The following DPP6 variants were observed in gnomAD, a reference collection of about 807,000 sequenced individuals.
DPP6 encodes the protein A-type potassium channel modulatory protein DPP6.
DPP6 carries 69 observed loss-of-function variants against 122.6 expected under a neutral mutation model. The ratio of observed to expected loss-of-function variants is 0.56; its 90% CI spans 0.46 to 0.69. The LOEUF (loss-of-function observed/expected upper bound fraction) is 0.69. Ranked by LOEUF, DPP6 falls within the 30% of genes least tolerant of loss-of-function variation. The pLI, the probability that DPP6 is intolerant of heterozygous loss-of-function variation, is 0.00. For missense variants in DPP6, 928 were observed against 1,116.9 expected (o/e 0.83, Z 2.41); for synonymous variants, 418 against 433.1 (o/e 0.97, Z 0.43).
intron 1 of DPP6, among the ~76,000 whole-genome samples, chr7:153,988,445 C>T (rs1331544913): frequency 6.6e-6 from 1 of 152,082 alleles, no homozygotes; most frequent in Non-Finnish European, 1.5e-5. Flanking sequence ...GTGCAAAGGG[C>T]AAAGAGATGG....
At chr7:154,236,345 C>A (rs1801211662) in intron 1 of DPP6, among the ~76,000 whole-genome samples, 1 of 152,086 alleles carries the variant, frequency 6.6e-6, no homozygotes, top group South Asian at 2.1e-4. Context: ...TATCAGCATG[C>A]CTATAGAGGC....
At chr7:154,299,882 C>A (rs1805790420) in intron 1 of DPP6, among the ~76,000 whole-genome samples, 1 of 152,204 alleles carries the variant, frequency 6.6e-6, no homozygotes, top group African/African-American at 2.4e-5. Flanking sequence ...GAAATTGCAT[C>A]AGGCTGCGGA....
chr7:154,425,769 A>G (rs1586233182), intron 1 of DPP6, among the ~76,000 whole-genome samples: 2 of 151,856 alleles, frequency 1.3e-5, no homozygotes, highest in Non-Finnish European at 2.9e-5. Context: ...CAGCCTCCCA[A>G]GTAGCTGGGC....
intron 1 of DPP6, among the ~76,000 whole-genome samples, chr7:154,286,512 A>G (rs1408809188): frequency 2.0e-5 from 3 of 152,216 alleles, no homozygotes; most frequent in East Asian, 1.9e-4. Flanking sequence ...GGGACTTGAA[A>G]TGTTCATTGC....
In DPP6 at chr7:154,038,091, G is replaced by T. The variant is rs563170202; in HGVS notation, c.51+150357G>T. On this transcript the variant is annotated intron_variant, in intron 1 of 25. Transcript: ENST00000404039. ...AGAAAGATTCTCTAAACTGATTTCA[G>T]CAGTTCTTACATATAATAGAAACAC... is the stretch of plus-strand genomic sequence containing the variant. 1.7e-3 allele frequency among the ~76,000 whole-genome samples: 247 copies of T among 146,752 alleles called. 20 individuals are homozygous for T. The highest frequency in any genetic ancestry group is 6.3e-3 in the African/African-American group (235 of 37,406).
At chr7:154,273,196 G>T (rs527768237) in intron 1 of DPP6, among the ~76,000 whole-genome samples, 9 of 152,282 alleles carry the variant, frequency 5.9e-5, no homozygotes, top group African/African-American at 1.9e-4. Context: ...CAATAATGTA[G>T]AGAGCTGCCT....
At chr7:154,341,734 A>G (rs1809951908) in intron 1 of DPP6, among the ~76,000 whole-genome samples, 1 of 151,790 alleles carries the variant, frequency 6.6e-6, no homozygotes, top group Admixed American at 6.6e-5. Context: ...TTTCTCCTTG[A>G]TGACATTTAA....
chr7:154,879,873 AAGAGGC>A (rs1330962599), intron 20 of DPP6, among the ~76,000 whole-genome samples: 2 of 150,084 alleles, frequency 1.3e-5, no homozygotes, highest in Non-Finnish European at 2.9e-5. Context: ...CCACTGCCTT[AAGAGGC>A]ACTGGAACTG....
chr7:154,019,106 G>A (rs1798567836), intron 1 of DPP6, among the ~76,000 whole-genome samples: 1 of 152,118 alleles, frequency 6.6e-6, no homozygotes, highest in African/African-American at 2.4e-5. Flanking sequence ...TTAATAACTT[G>A]TGAAGAAAAA....
intron 1 of DPP6, among the ~76,000 whole-genome samples, chr7:154,374,234 C>T (rs1038939755): frequency 4.6e-5 from 7 of 152,224 alleles, no homozygotes; most frequent in South Asian, 2.1e-4. Context: ...TTCATGTTTA[C>T]GAGATTAGGA....
the DPP6 span, among the ~76,000 whole-genome samples, chr7:153,810,430 T>G: frequency 6.6e-6 from 1 of 151,892 alleles, no homozygotes; most frequent in Non-Finnish European, 1.5e-5. Context: ...GTGAGAAAAC[T>G]CAAATACCTG....
At chr7:153,895,597 A>G (rs188470004) in intron 1 of DPP6, among the ~76,000 whole-genome samples, 2 of 147,550 alleles carry the variant, frequency 1.4e-5, no homozygotes, top group Admixed American at 6.9e-5. Context: ...ATACGGGGAA[A>G]ACAAATAGAT....
At chr7:154,541,183 G>A (rs1828694882) in intron 4 of DPP6, among the ~76,000 whole-genome samples, 1 of 151,950 alleles carries the variant, frequency 6.6e-6, no homozygotes, top group Non-Finnish European at 1.5e-5. Context: ...AGGCTGGAGC[G>A]AAGTGGTGCA....
Position 154,271,046 on chromosome 7 carries a change from C to T in DPP6, c.244-175168C>T, listed in dbSNP as rs1416638146. ...GATCAAAGACTGGGTTGATGTTCCA[C>T]ATCACAAGCACTTTCATTGGAAGTT... On this transcript the variant is annotated intron_variant, in intron 1 of 25. Coordinates refer to ENST00000377770, the MANE Select transcript of DPP6 (RefSeq NM_130797.4). 3.9e-5 allele frequency among the ~76,000 whole-genome samples: 6 copies of T among 152,212 alleles called. No homozygotes were observed. The East Asian group carries it at 1.2e-3, about 29-fold the overall frequency.
At chr7:154,576,343 T>A (rs1158654702) in intron 5 of DPP6, among the ~76,000 whole-genome samples, 1 of 152,064 alleles carries the variant, frequency 6.6e-6, no homozygotes, top group Non-Finnish European at 1.5e-5. Flanking sequence ...CTCCACACTC[T>A]GCCCAACCAC....
chr7:154,837,120 T>C (rs940747043), intron 16 of DPP6, among the ~76,000 whole-genome samples: 3 of 151,014 alleles, frequency 2.0e-5, no homozygotes, highest in South Asian at 2.1e-4. Context: ...CACACACACA[T>C]GCATGCAGGC....
At chr7:153,920,954 C>G (rs1800610945) in intron 1 of DPP6, among the ~76,000 whole-genome samples, 1 of 152,196 alleles carries the variant, frequency 6.6e-6, no homozygotes, top group African/African-American at 2.4e-5. Context: ...AATACTAAGT[C>G]TCAGAAGGCT....
At chr7:153,899,066 C>G (rs1799528490) in intron 1 of DPP6, among the ~76,000 whole-genome samples, 1 of 152,140 alleles carries the variant, frequency 6.6e-6, no homozygotes, top group Admixed American at 6.5e-5. Context: ...TGAATGAAAA[C>G]AAATGCCCTC....
intron 1 of DPP6, among the ~76,000 whole-genome samples, chr7:154,243,531 C>T (rs1026921356): frequency 1.3e-4 from 20 of 152,142 alleles, no homozygotes; most frequent in Non-Finnish European, 2.2e-4. Context: ...CACAGTGGCT[C>T]GTGCCTGTAA....
Sources: gnomAD v4.1 joint callset for allele counts (sites outside exome capture counted in the v4.1 genomes callset) on GRCh38, gnomAD v4.1.1 for gene constraint, MANE v1.5 for transcripts, NCBI Gene and HGNC (gene_info 2026-07-23, HGNC 2026-07-21) for gene names.